The following SAMD12 variants were observed in gnomAD, a reference collection of about 807,000 sequenced individuals.
SAMD12 encodes sterile alpha motif domain containing 12.
SAMD12 carries 9 observed loss-of-function variants against 15.0 expected under a neutral mutation model. The ratio of observed to expected loss-of-function variants is 0.60; its 90% CI spans 0.36 to 1.05. The LOEUF is 1.05. Ranked by LOEUF, SAMD12 falls within the 50% of genes least tolerant of loss-of-function variation. The pLI, the probability that SAMD12 is intolerant of heterozygous loss-of-function variation, is 0.01. For synonymous variants in SAMD12, 86 were observed against 90.1 expected (o/e 0.96, Z 0.25); for missense variants, 230 against 234.2 (o/e 0.98, Z 0.12).
intron 2 of SAMD12, among the ~76,000 whole-genome samples, chr8:118,525,400 T>G (rs1410449045): frequency 6.6e-6 from 1 of 152,182 alleles, no homozygotes; most frequent in Non-Finnish European, 1.5e-5. Context: ...ACATTAGACA[T>G]TTACATCTTT....
chr8:118,406,384 C>T lies in SAMD12; in HGVS notation c.323-26684G>A, dbSNP rs568803189. 3.3e-5 allele frequency among the ~76,000 whole-genome samples: 5 copies of T among 152,248 alleles called. No individual in the cohort carries two copies. In the East Asian group the frequency reaches 5.8e-4, roughly 18 times the overall value. On this transcript the variant is annotated intron_variant, in intron 3 of 3. Coordinates refer to ENST00000314727, the MANE Select transcript of SAMD12 (RefSeq NM_207506.3). ...TGCCTCCTGGGTTCAAGTGATTCTC[C>T]TGTCTCAGCCTCCTGAGTAGCTGGG...
At chr8:118,416,345 A>G (rs1821688739) in intron 3 of SAMD12, among the ~76,000 whole-genome samples, 1 of 152,252 alleles carries the variant, frequency 6.6e-6, no homozygotes, top group Non-Finnish European at 1.5e-5. Context: ...AATTTAGGCT[A>G]ACAGGCATCA....
intron 3 of SAMD12, among the ~76,000 whole-genome samples, chr8:118,380,632 C>T (rs770731251): frequency 5.9e-5 from 9 of 152,164 alleles, no homozygotes; most frequent in Admixed American, 2.0e-4. Flanking sequence ...TACTCTTCTC[C>T]GACATTCCTA....
At chr8:118,292,138 G>T (rs1420961690) in intron 4 of SAMD12, among the ~76,000 whole-genome samples, 1 of 151,376 alleles carries the variant, frequency 6.6e-6, no homozygotes, top group African/African-American at 2.4e-5. Context: ...GAACTTGCAG[G>T]AAAGGGCAGG....
rs1486478754 is a variant in SAMD12 at position 118,379,673 on chromosome 8, T to C, written c.350A>G (p.Lys117Arg). 4.3e-6 allele frequency: 7 copies of C among 1,613,740 alleles called. No individual in the cohort carries two copies. The highest frequency in any genetic ancestry group is 4.5e-5 in the East Asian group (2 of 44,878). Residue 117 changes from lysine to arginine, a missense_variant, in exon 4 of 4, where the codon AAA (lysine) becomes AGA (arginine). Lys to Arg is a conservative substitution (Grantham distance 26). Coordinates refer to ENST00000314727, the MANE Select transcript of SAMD12 (RefSeq NM_207506.3). The stretch of plus-strand genomic sequence containing the variant: ...GGCAATCCCCATTCGCTCGAGCTTT[T>C]TGTCAGTAAGTCTCAGCAGGGCTCG... ...TGRALLRLTD[K>R]KLERMGIAQE... is the part of the protein sequence containing the mutation.
chr8:118,466,768 G>A (rs1823606729), intron 2 of SAMD12, among the ~76,000 whole-genome samples: 1 of 151,586 alleles, frequency 6.6e-6, no homozygotes, highest in Non-Finnish European at 1.5e-5. Flanking sequence ...AACTACAAAT[G>A]ATGTGTTCTG....
intron 4 of SAMD12, among the ~76,000 whole-genome samples, chr8:118,370,948 T>TA (rs1193710718): frequency 6.0e-5 from 2 of 33,538 alleles, no homozygotes; most frequent in East Asian, 1.2e-3. Flanking sequence ...TTAAATAAAA[T>TA]TTTTTTTAAA....
chr8:118,533,364 G>A (rs1269340336), intron 2 of SAMD12, among the ~76,000 whole-genome samples: 1 of 152,162 alleles, frequency 6.6e-6, no homozygotes. Context: ...TTCCAACTAT[G>A]TGGTCAATTT....
intron 4 of SAMD12, among the ~76,000 whole-genome samples, chr8:118,228,914 A>G (rs1812244151): frequency 1.3e-5 from 2 of 152,226 alleles, no homozygotes; most frequent in African/African-American, 4.8e-5. Context: ...ATGAGTGGAT[A>G]AGGAAACTGT....
At chr8:118,376,605 A>G (rs1394746789), downstream of SAMD12, among the ~76,000 whole-genome samples, 1 of 152,166 alleles carries the variant, frequency 6.6e-6, no homozygotes, top group Non-Finnish European at 1.5e-5. Flanking sequence ...CAGCCTGAAC[A>G]TGTTAGATAA....
chr8:118,487,084 G>C (rs182736660), intron 2 of SAMD12, among the ~76,000 whole-genome samples: 1 of 152,156 alleles, frequency 6.6e-6, no homozygotes, highest in African/African-American at 2.4e-5. Context: ...GCAAAGACGG[G>C]TGCAGAGTGG....
At chr8:118,360,273 G>A (rs780112998) in intron 4 of SAMD12, among the ~76,000 whole-genome samples, 15 of 152,132 alleles carry the variant, frequency 9.9e-5, no homozygotes, top group Non-Finnish European at 2.1e-4. Context: ...CTATTCTGAA[G>A]ATGAGGAAAC....
At chr8:118,324,067 T>C (rs1816444701) in intron 4 of SAMD12, among the ~76,000 whole-genome samples, 1 of 152,236 alleles carries the variant, frequency 6.6e-6, no homozygotes, top group African/African-American at 2.4e-5. Flanking sequence ...TCATTCATTT[T>C]TGCCGATTCC....
At chr8:118,621,051 C>T (rs1586864582) in intron 1 of SAMD12, 2 of 152,194 alleles carry the variant, frequency 1.3e-5, no homozygotes, top group Non-Finnish European at 2.9e-5. Flanking sequence ...CAGGATCCCT[C>T]ACGAACAGCC....
Position 118,335,873 on chromosome 8 carries a change from A to T in SAMD12, c.433+43687T>A, listed in dbSNP as rs144702378. On this transcript the variant is annotated intron_variant, in intron 4 of 4. Transcript: ENST00000409003. ...CACCTCAGCCTCCCTAGTAGCTGGG[A>T]CAACAGGTGCACACCACTAGCCCTC... 5.9e-5 allele frequency among the ~76,000 whole-genome samples: 9 copies of T among 152,190 alleles called. No individual in the cohort carries two copies. The East Asian group carries it at 1.7e-3, about 29-fold the overall frequency.
chr8:118,578,935 A>G (rs943437886), intron 2 of SAMD12, among the ~76,000 whole-genome samples: 2 of 152,164 alleles, frequency 1.3e-5, no homozygotes, highest in African/African-American at 4.8e-5. Context: ...TCTGGTTTCC[A>G]ATATTAGTTT....
At chr8:118,160,405 C>T in the SAMD12 span, among the ~76,000 whole-genome samples, 13 of 152,102 alleles carry the variant, frequency 8.5e-5, no homozygotes, top group South Asian at 2.1e-4. Flanking sequence ...ATTTTCAAAA[C>T]GAAAAACAAA....
exon 5 of SAMD12, chr8:118,196,978 C>A (rs1819583072): frequency 6.6e-6 from 1 of 151,972 alleles, no homozygotes. Context: ...AATAAAGTAT[C>A]TGGAGGTGAA....
intron 4 of SAMD12, among the ~76,000 whole-genome samples, chr8:118,227,177 G>C (rs1018667570): frequency 4.6e-5 from 7 of 152,122 alleles, no homozygotes; most frequent in Non-Finnish European, 1.0e-4. Flanking sequence ...ATGAAATACT[G>C]TGCTGCCATA....
Sources: gnomAD v4.1 joint callset for allele counts (sites outside exome capture counted in the v4.1 genomes callset) on GRCh38, gnomAD v4.1.1 for gene constraint, MANE v1.5 for transcripts, NCBI Gene and HGNC (gene_info 2026-07-23, HGNC 2026-07-21) for gene names.